The following HDAC9 variants were observed in gnomAD, a reference collection of about 807,000 sequenced individuals.
The protein encoded by HDAC9 is histone deacetylase 9, also known as MEF-2 interacting transcription repressor (MITR) protein.
In HDAC9, 41 loss-of-function variants were observed where a neutral mutation model predicts 139.4. That is an observed-to-expected ratio of 0.29 (90% CI 0.23 to 0.38). The LOEUF is 0.38. Ranked by LOEUF, HDAC9 falls within the 10% of genes least tolerant of loss-of-function variation. The pLI is 1.00. For synonymous variants in HDAC9, 517 were observed against 476.2 expected (o/e 1.09, Z -1.12); for missense variants, 1,147 against 1,297.0 (o/e 0.88, Z 1.78).
At chr7:18,278,396 G>A (rs1796884726) in intron 2 of HDAC9, among the ~76,000 whole-genome samples, 1 of 152,182 alleles carries the variant, frequency 6.6e-6, no homozygotes, top group Non-Finnish European at 1.5e-5. Flanking sequence ...GAAGAACATG[G>A]TAGAGGAAGA....
At chr7:18,954,778 A>T (rs10486330) in intron 24 of HDAC9, among the ~76,000 whole-genome samples, 1 of 151,864 alleles carries the variant, frequency 6.6e-6, no homozygotes, top group African/African-American at 2.4e-5. Flanking sequence ...ACAAACTAAC[A>T]TGAAGATTAG....
chr7:18,976,026 C>T (rs1451010727), intron 25 of HDAC9, 73 bp downstream of exon 25: 11 of 1,489,292 alleles, frequency 7.4e-6, no homozygotes, highest in Non-Finnish European at 1.0e-5. Flanking sequence ...GTGAATCTTC[C>T]TCCTGGCTTT....
At chr7:18,157,285 A>G (rs1787284136) in intron 1 of HDAC9, among the ~76,000 whole-genome samples, 1 of 152,176 alleles carries the variant, frequency 6.6e-6, no homozygotes, top group Non-Finnish European at 1.5e-5. Flanking sequence ...GGTAGTAGCT[A>G]ATAATGTTGA....
intron 24 of HDAC9, among the ~76,000 whole-genome samples, chr7:18,975,299 AAC>A (rs1784482523): frequency 6.6e-6 from 1 of 152,246 alleles, no homozygotes; most frequent in African/African-American, 2.4e-5. Flanking sequence ...AGGACTAACA[AAC>A]CTGATTGTTC....
intron 2 of HDAC9, among the ~76,000 whole-genome samples, chr7:18,186,809 T>G (rs1284625753): frequency 6.6e-6 from 1 of 152,208 alleles, no homozygotes; most frequent in Non-Finnish European, 1.5e-5. Flanking sequence ...AAATAAAGCA[T>G]AAGGTGGTTT....
At chr7:18,672,455 A>T (rs192434319) in intron 12 of HDAC9, among the ~76,000 whole-genome samples, 1 of 151,780 alleles carries the variant, frequency 6.6e-6, no homozygotes, top group African/African-American at 2.4e-5. Flanking sequence ...TGTGTAGTAG[A>T]CCTTTATCGG....
At chr7:18,455,247 G>A (rs1458581230) in intron 1 of HDAC9, among the ~76,000 whole-genome samples, 2 of 151,952 alleles carry the variant, frequency 1.3e-5, no homozygotes, top group African/African-American at 4.8e-5. Context: ...TGTTTTTTCA[G>A]TTTAAGTTCA....
chr7:18,592,800 A>T (rs186328123), intron 5 of HDAC9, among the ~76,000 whole-genome samples: 1 of 152,292 alleles, frequency 6.6e-6, no homozygotes, highest in Admixed American at 6.5e-5. Context: ...AATCAATATC[A>T]CGAATGATTT....
intron 2 of HDAC9, among the ~76,000 whole-genome samples, chr7:18,221,193 C>T (rs1298347530): frequency 6.6e-6 from 1 of 150,706 alleles, no homozygotes. Context: ...ACCTCCTCCG[C>T]CTCCCAGGTT....
chr7:18,547,806 CCCTT>C (rs1233554853), intron 2 of HDAC9, among the ~76,000 whole-genome samples: 2,087 of 68,046 alleles, frequency 0.031, 50 homozygotes, highest in African/African-American at 0.067. Flanking sequence ...TTCAAGAAAC[CCCTT>C]CCTTCCTTCC....
At chr7:18,564,947 C>G (rs1314837134) in intron 2 of HDAC9, among the ~76,000 whole-genome samples, 2 of 148,768 alleles carry the variant, frequency 1.3e-5, no homozygotes, top group African/African-American at 5.0e-5. Context: ...AAGCCAGCAT[C>G]AAATAAATGT....
chr7:18,944,175 A>G (rs1162053399), intron 23 of HDAC9, among the ~76,000 whole-genome samples: 1 of 152,166 alleles, frequency 6.6e-6, no homozygotes, highest in Admixed American at 6.5e-5. Flanking sequence ...TCACTAGGGA[A>G]TTGATAATAG....
chr7:18,265,499 A>C (rs1442808840), intron 2 of HDAC9, among the ~76,000 whole-genome samples: 4 of 152,194 alleles, frequency 2.6e-5, no homozygotes, highest in Non-Finnish European at 5.9e-5. Flanking sequence ...AGTTGGGGTT[A>C]CAAAGAGTCT....
At chr7:18,310,033 G>A (rs540531697) in intron 1 of HDAC9, among the ~76,000 whole-genome samples, 14 of 152,122 alleles carry the variant, frequency 9.2e-5, no homozygotes, top group Admixed American at 7.9e-4. Context: ...GTGCAGCCCA[G>A]CCATCTAGAT....
Position 18,513,665 on chromosome 7 carries a change from C to T in HDAC9, c.22+17341C>T, listed in dbSNP as rs118035388. On this transcript the variant is annotated intron_variant, in intron 2 of 25. Transcript: ENST00000686413. ...TAGAGAGGATTTTCAGGAGGTTTAGCCAAATCTGCCACTGTCTGTGTGGAG... is the reference window on the plus strand; with the variant it reads ...TAGAGAGGATTTTCAGGAGGTTTAGTCAAATCTGCCACTGTCTGTGTGGAG... 6.7e-3 allele frequency among the ~76,000 whole-genome samples: 1,013 copies of T among 152,272 alleles called. 9 individuals are homozygous for T. The highest frequency in any genetic ancestry group is 0.028 in the East Asian group (146 of 5,178).
intron 1 of HDAC9, among the ~76,000 whole-genome samples, chr7:18,385,439 A>G (rs533592347): frequency 6.6e-6 from 1 of 152,326 alleles, no homozygotes; most frequent in Admixed American, 6.5e-5. Context: ...GGTCTGGGAT[A>G]TGTTAACCCA....
intron 2 of HDAC9, among the ~76,000 whole-genome samples, chr7:18,204,460 C>T (rs975865689): frequency 2.6e-5 from 4 of 151,288 alleles, no homozygotes; most frequent in Non-Finnish European, 5.9e-5. Flanking sequence ...TTTTCAAGTG[C>T]TTTGCCAAAT....
At chr7:18,198,566 T>C (rs982926682) in intron 2 of HDAC9, among the ~76,000 whole-genome samples, 1 of 152,186 alleles carries the variant, frequency 6.6e-6, no homozygotes, top group African/African-American at 2.4e-5. Flanking sequence ...ATATCCATTT[T>C]TAATTTATGC....
rs1480860827 is a variant in HDAC9, at chr7:18,989,548, T to G, written c.3171-6475T>G. Among the ~76,000 whole-genome samples the G allele has an allele frequency of 1.7e-4, 25 of 150,278 alleles. No individual in the cohort carries two copies. In the South Asian group the frequency reaches 3.2e-3, roughly 19 times the overall value. On this transcript the variant is annotated intron_variant, in intron 25 of 25. Coordinates refer to ENST00000686413, the MANE Select transcript of HDAC9 (RefSeq NM_178425.4). ...TTATGTGTCTTGGAGTTGCTCTTCT[T>G]GAGGAGTATCTTTGTGGCGTTCTCT...
Sources: allele counts gnomAD v4.1 joint callset (sites outside exome capture counted in the v4.1 genomes callset), GRCh38; gene constraint gnomAD v4.1.1; transcripts MANE v1.5; gene names NCBI Gene and HGNC (gene_info 2026-07-23, HGNC 2026-07-21).